The following TTC7B variants were observed in gnomAD, a reference collection of about 807,000 sequenced individuals.
The protein encoded by TTC7B is tetratricopeptide repeat domain 7B, also known as tetratricopeptide repeat protein 7B.
A neutral mutation model predicts 106.8 loss-of-function variants in TTC7B; 28 were observed. The observed-to-expected ratio is 0.26, with a 90% CI of 0.19 to 0.36. TTC7B has a LOEUF of 0.36. TTC7B is among the 10% of genes least tolerant of loss of function. TTC7B has a pLI of 1.00. For synonymous variants in TTC7B, 405 were observed against 430.6 expected (o/e 0.94, Z 0.74); for missense variants, 862 against 1,076.4 (o/e 0.80, Z 2.79).
At chr14:90,603,786 T>G (rs1357566637) in intron 17 of TTC7B, among the ~76,000 whole-genome samples, 1 of 152,198 alleles carries the variant, frequency 6.6e-6, no homozygotes. Context: ...CTTAAAATCA[T>G]TACAATTTTA....
chr14:90,652,455 T>C (rs1885764838), intron 13 of TTC7B, among the ~76,000 whole-genome samples: 1 of 148,292 alleles, frequency 6.7e-6, no homozygotes, highest in Non-Finnish European at 1.5e-5. Flanking sequence ...CTCATTCCTT[T>C]ATACAAAAAC....
intron 17 of TTC7B, among the ~76,000 whole-genome samples, chr14:90,603,668 T>C (rs1892522591): frequency 6.6e-6 from 1 of 152,194 alleles, no homozygotes; most frequent in Non-Finnish European, 1.5e-5. Flanking sequence ...TTCCAGTGGT[T>C]TGTAGGGTTG....
chr14:90,610,873 CA>C, intron 16 of TTC7B, 34 bp from the exon 17 acceptor site: 1 of 1,499,898 alleles, frequency 6.7e-7, no homozygotes, highest in Non-Finnish European at 9.3e-7. Flanking sequence ...CAGTCACCTG[CA>C]AGGTGGGAGG....
At position 90,575,672 on chromosome 14, in the gene TTC7B, G is replaced by A. The variant is rs993746064; in HGVS notation, c.2310+2434C>T. Reference sequence around the variant, plus strand: ...GACAGGCTGGGGAGAACACAGGCCAGGTGCATCATTTAGAAAATCACCAAG... The same window carrying A: ...GACAGGCTGGGGAGAACACAGGCCAAGTGCATCATTTAGAAAATCACCAAG... On this transcript the variant is annotated intron_variant, in intron 19 of 19. Coordinates refer to ENST00000328459, the MANE Select transcript of TTC7B (RefSeq NM_001010854.2). This position sits in a 1 kb window ranked among gnomAD's most constrained non-coding sequence, Gnocchi z 5.2. Among the ~76,000 whole-genome samples, 4 of 152,196 alleles carry A rather than the reference G, an allele frequency of 2.6e-5. No individual in the cohort carries two copies. Among genetic ancestry groups the A allele is most frequent in the Non-Finnish European group, 5.9e-5 (4 of 68,026 alleles).
At chr14:90,667,697 G>T (rs1046548501) in intron 9 of TTC7B, among the ~76,000 whole-genome samples, 1 of 152,056 alleles carries the variant, frequency 6.6e-6, no homozygotes, top group African/African-American at 2.4e-5. Flanking sequence ...AGCATCTGAC[G>T]CTTTAATTTG....
rs1890537076 is a variant in TTC7B at position 90,560,705 on chromosome 14, G to C, written c.2310+17401C>G. ...CTCAGCAACACAGCCTTCTGAGCTT[G>C]ATTTCCCTACAGCCAATTTCCTTGT... On this transcript the variant is annotated intron_variant, in intron 19 of 19. Transcript: ENST00000328459. 7.2e-5 allele frequency among the ~76,000 whole-genome samples: 11 copies of C among 152,300 alleles called. No individual in the cohort carries two copies. In the South Asian group the frequency reaches 2.3e-3, roughly 32 times the overall value.
chr14:90,789,909 A>AAAAAT (rs1566889286), intron 1 of TTC7B, among the ~76,000 whole-genome samples: 1 of 150,520 alleles, frequency 6.6e-6, no homozygotes, highest in Non-Finnish European at 1.5e-5. Flanking sequence ...AAAAAAAAAA[A>AAAAAT]AAAATACTAT....
At chr14:90,717,338 C>CAAAA (rs560270175) in intron 5 of TTC7B, among the ~76,000 whole-genome samples, 1 of 83,082 alleles carries the variant, frequency 1.2e-5, no homozygotes, top group Non-Finnish European at 2.5e-5. Flanking sequence ...GACTCCATCT[C>CAAAA]AAAAAAAAAA....
At chr14:90,592,089 T>G (rs977022898) in intron 18 of TTC7B, among the ~76,000 whole-genome samples, 1 of 152,260 alleles carries the variant, frequency 6.6e-6, no homozygotes, top group Non-Finnish European at 1.5e-5. Flanking sequence ...CTCTGCGGCA[T>G]GCCAAGGCCA....
chr14:90,613,148 C>T (rs1471884943), intron 16 of TTC7B, among the ~76,000 whole-genome samples: 1 of 152,182 alleles, frequency 6.6e-6, no homozygotes, highest in Non-Finnish European at 1.5e-5. Context: ...GTCATCTCAG[C>T]ACTTTGGGAG....
chr14:90,542,734 G>C (rs534226325), intron 19 of TTC7B, among the ~76,000 whole-genome samples: 264 of 152,040 alleles, frequency 1.7e-3, no homozygotes, highest in African/African-American at 6.2e-3. Context: ...ACAACTTGGT[G>C]GGGTGGGTGG....
chr14:90,657,962 T>A lies in TTC7B; in HGVS notation c.1236+342A>T, dbSNP rs1886018905. 3.2e-6 allele frequency: 1 copy of A among 315,594 alleles called. No homozygotes were observed. Among genetic ancestry groups the A allele is most frequent in the Non-Finnish European group, 6.1e-6 (1 of 163,306 alleles). The allele number at this position is 315,594 out of a possible 1,614,324, so 19.5% of individuals were successfully genotyped here. Reference sequence around the variant, plus strand: ...GCCTAATATAACACATTGCTCAAGATAACCAACAGGTTTCCCCTCCAGGAA... The same window carrying A: ...GCCTAATATAACACATTGCTCAAGAAAACCAACAGGTTTCCCCTCCAGGAA... On this transcript the variant is annotated intron_variant, in intron 10 of 19. Coordinates refer to ENST00000328459, the MANE Select transcript of TTC7B (RefSeq NM_001010854.2). The surrounding 1 kb of genome is among the most constrained non-coding windows in gnomAD (Gnocchi z 4.2).
chr14:90,646,918 G>T, intron 14 of TTC7B, 33 bp downstream of exon 14: 1 of 1,574,010 alleles, frequency 6.4e-7, no homozygotes, highest in Non-Finnish European at 8.7e-7. Flanking sequence ...GATACAGAGT[G>T]CAGCAAGTAT....
At chr14:90,581,040 C>T (rs576779950) in intron 18 of TTC7B, among the ~76,000 whole-genome samples, 22 of 152,316 alleles carry the variant, frequency 1.4e-4, no homozygotes, top group Admixed American at 1.4e-3. Flanking sequence ...CTCCCCAGGC[C>T]TTCTCTCCCC....
At chr14:90,595,160 T>C (rs1057502503) in intron 17 of TTC7B, among the ~76,000 whole-genome samples, 4 of 152,076 alleles carry the variant, frequency 2.6e-5, no homozygotes, top group African/African-American at 2.4e-5. Flanking sequence ...GGTGAAACCC[T>C]GTCTCTACTA....
intron 3 of TTC7B, among the ~76,000 whole-genome samples, chr14:90,751,031 C>T (rs946690026): frequency 2.0e-5 from 3 of 152,230 alleles, no homozygotes; most frequent in African/African-American, 7.2e-5. Flanking sequence ...AGATGATGTA[C>T]TGTCAATTTG....
intron 2 of TTC7B, among the ~76,000 whole-genome samples, chr14:90,785,354 G>A (rs981287434): frequency 7.9e-5 from 12 of 152,176 alleles, no homozygotes; most frequent in Admixed American, 6.5e-5. Flanking sequence ...AAAAGGAAAC[G>A]GAAGTCAGAG....
chr14:90,797,335 T>C (rs1426758495), intron 1 of TTC7B, among the ~76,000 whole-genome samples: 1 of 145,846 alleles, frequency 6.9e-6, no homozygotes, highest in East Asian at 2.0e-4. Context: ...CACACACCTG[T>C]TAATCCCAGC....
intron 19 of TTC7B, among the ~76,000 whole-genome samples, chr14:90,566,381 A>G (rs1473505110): frequency 2.0e-5 from 3 of 152,142 alleles, no homozygotes; most frequent in African/African-American, 7.2e-5. Flanking sequence ...AGATTTGCTC[A>G]ATGCAAGGTT....
Sources: gnomAD v4.1 joint callset for allele counts (sites outside exome capture counted in the v4.1 genomes callset) on GRCh38, gnomAD v4.1.1 for gene constraint, Gnocchi (gnomAD v3.1) non-coding constraint, MANE v1.5 for transcripts, NCBI Gene and HGNC (gene_info 2026-07-23, HGNC 2026-07-21) for gene names.